Variants in VAV3 observed in about 807,000 individuals in gnomAD.
VAV3 encodes vav guanine nucleotide exchange factor 3.
VAV3 carries 94 observed loss-of-function variants against 131.2 expected under a neutral mutation model. That is an observed-to-expected ratio of 0.72 (90% CI 0.61 to 0.85). VAV3 has a LOEUF of 0.85. VAV3 is among the 40% of genes least tolerant of loss of function. The pLI is 0.00. For synonymous variants in VAV3, 349 were observed against 342.0 expected (o/e 1.02, Z -0.22); for missense variants, 939 against 1,002.7 (o/e 0.94, Z 0.86).
chr1:107,634,537 A>G (rs1431926512), intron 20 of VAV3, among the ~76,000 whole-genome samples: 2 of 152,188 alleles, frequency 1.3e-5, no homozygotes, highest in South Asian at 2.1e-4. Context: ...AAACCTAGGC[A>G]ATACCATTCA....
intron 5 of VAV3, among the ~76,000 whole-genome samples, chr1:107,772,489 T>C (rs1665103560): frequency 1.3e-5 from 2 of 152,212 alleles, no homozygotes; most frequent in South Asian, 2.1e-4. Flanking sequence ...TGGCACTTCA[T>C]TTCTCTCTCA....
chr1:107,886,761 C>G (rs951332098), intron 1 of VAV3, among the ~76,000 whole-genome samples: 4 of 152,066 alleles, frequency 2.6e-5, no homozygotes, highest in Non-Finnish European at 5.9e-5. Flanking sequence ...TTTGCTCTCC[C>G]AAGCAGCACA....
intron 15 of VAV3, among the ~76,000 whole-genome samples, chr1:107,743,936 C>T (rs576853355): frequency 1.3e-5 from 2 of 152,248 alleles, no homozygotes; most frequent in South Asian, 4.1e-4. Context: ...TTGTGAGTGA[C>T]TTCAAATTCC....
chr1:107,898,864 T>C (rs1671731145), intron 1 of VAV3, among the ~76,000 whole-genome samples: 1 of 152,180 alleles, frequency 6.6e-6, no homozygotes, highest in Non-Finnish European at 1.5e-5. Context: ...CAAAGTATTT[T>C]AAGTAATGGG....
chr1:107,913,689 C>G (rs1207934704), intron 1 of VAV3, among the ~76,000 whole-genome samples: 1 of 152,202 alleles, frequency 6.6e-6, no homozygotes, highest in African/African-American at 2.4e-5. Context: ...GCTGTCAATA[C>G]AGTTATGCAC....
intron 1 of VAV3, among the ~76,000 whole-genome samples, chr1:107,881,058 C>T (rs1670749509): frequency 6.6e-6 from 1 of 152,168 alleles, no homozygotes; most frequent in Non-Finnish European, 1.5e-5. Flanking sequence ...CAAATCCAGA[C>T]ATTCTGGCTA....
At chr1:107,650,637 C>T (rs960168182) in intron 19 of VAV3, among the ~76,000 whole-genome samples, 10 of 150,728 alleles carry the variant, frequency 6.6e-5, no homozygotes, top group African/African-American at 2.4e-4. Context: ...TATACATGTG[C>T]CATGCTGGTG....
chr1:107,603,954 T>G (rs1237903134), intron 22 of VAV3, among the ~76,000 whole-genome samples: 1 of 152,002 alleles, frequency 6.6e-6, no homozygotes, highest in African/African-American at 2.4e-5. Context: ...ACCGGTGTGG[T>G]TGATATTTTT....
intron 2 of VAV3, among the ~76,000 whole-genome samples, chr1:107,833,590 A>T (rs772684739): frequency 6.6e-6 from 1 of 152,160 alleles, no homozygotes; most frequent in Non-Finnish European, 1.5e-5. Flanking sequence ...GTATGTCTAT[A>T]CTTACCTACA....
At chr1:107,955,567 C>A (rs1170688336) in intron 1 of VAV3, among the ~76,000 whole-genome samples, 4 of 152,044 alleles carry the variant, frequency 2.6e-5, no homozygotes, top group African/African-American at 9.7e-5. Context: ...CACTGTGGCA[C>A]AAAGCAGCAT....
intron 15 of VAV3, among the ~76,000 whole-genome samples, chr1:107,728,695 G>C (rs1054344275): frequency 1.3e-5 from 2 of 150,266 alleles, no homozygotes; most frequent in Admixed American, 6.7e-5. Context: ...AAAGGGAAAG[G>C]CTTAACACAC....
chr1:107,898,164 A>G (rs1000259521), intron 1 of VAV3, among the ~76,000 whole-genome samples: 3 of 152,098 alleles, frequency 2.0e-5, no homozygotes, highest in Admixed American at 2.0e-4. Context: ...TTTGGAAAAT[A>G]TGGGGGAACG....
intron 1 of VAV3, among the ~76,000 whole-genome samples, chr1:107,938,859 T>C (rs1673849603): frequency 6.6e-6 from 1 of 152,204 alleles, no homozygotes; most frequent in Non-Finnish European, 1.5e-5. Flanking sequence ...GATGTGTAAA[T>C]AGACCATAAC....
chr1:107,895,671 T>C (rs1234270148), intron 1 of VAV3, among the ~76,000 whole-genome samples: 2 of 152,208 alleles, frequency 1.3e-5, no homozygotes, highest in Non-Finnish European at 2.9e-5. Flanking sequence ...CTGGTATTAT[T>C]GGCCACGTCA....
intron 20 of VAV3, among the ~76,000 whole-genome samples, chr1:107,627,035 G>GAAA (rs1160272730): frequency 1.3e-5 from 2 of 152,140 alleles, no homozygotes; most frequent in Non-Finnish European, 2.9e-5. Flanking sequence ...AGAATCCTTT[G>GAAA]AAGTGACTGA....
At chr1:107,602,019 G>A (rs182467597) in intron 24 of VAV3, among the ~76,000 whole-genome samples, 4 of 152,028 alleles carry the variant, frequency 2.6e-5, no homozygotes, top group African/African-American at 9.6e-5. Context: ...GAACCTAAAT[G>A]TTAGACATAT....
At chr1:107,644,467 A>G (rs1655579067) in intron 19 of VAV3, among the ~76,000 whole-genome samples, 1 of 152,084 alleles carries the variant, frequency 6.6e-6, no homozygotes, top group Non-Finnish European at 1.5e-5. Flanking sequence ...ACAGTTTTAA[A>G]TATAGGCGGA....
chr1:107,882,391 TATA>T (rs1670824530), intron 1 of VAV3, among the ~76,000 whole-genome samples: 1 of 152,260 alleles, frequency 6.6e-6, no homozygotes, highest in Non-Finnish European at 1.5e-5. Context: ...GAGTGGCCAT[TATA>T]ATAAGATGAT....
chr1:107,683,856 C>T (rs1399426380), intron 18 of VAV3, among the ~76,000 whole-genome samples: 2 of 152,140 alleles, frequency 1.3e-5, no homozygotes, highest in Admixed American at 1.3e-4. Context: ...AGCCCAGCAG[C>T]CATCTTGGTT....
Sources: gnomAD v4.1 joint callset for allele counts (sites outside exome capture counted in the v4.1 genomes callset) on GRCh38, gnomAD v4.1.1 for gene constraint, MANE v1.5 for transcripts, NCBI Gene and HGNC (gene_info 2026-07-23, HGNC 2026-07-21) for gene names.